RNF180: variants seen among roughly 807,000 people sequenced by gnomAD.
RNF180 encodes the protein ring finger protein 180, also known as E3 ubiquitin-protein ligase RNF180.
Under a neutral mutation model 59.2 loss-of-function variants are expected in RNF180, and 38 were observed. The observed-to-expected ratio is 0.64, with a 90% CI of 0.50 to 0.84. The LOEUF is 0.84. Ranked by LOEUF, RNF180 falls within the 40% of genes least tolerant of loss-of-function variation. RNF180 has a pLI of 0.00. For missense variants in RNF180, 705 were observed against 700.9 expected, an observed-to-expected ratio of 1.01 and a Z score of -0.07; for synonymous variants, 262 against 240.3, an observed-to-expected ratio of 1.09 and a Z score of -0.84.
intron 5 of RNF180, among the ~76,000 whole-genome samples, chr5:64,251,886 G>T (rs1037486814): frequency 6.6e-6 from 1 of 152,048 alleles, no homozygotes; most frequent in African/African-American, 2.4e-5. Context: ...GAACCAAGGA[G>T]GTGAAAGATC....
chr5:64,280,243 A>C (rs1396279966), intron 5 of RNF180, among the ~76,000 whole-genome samples: 1 of 151,776 alleles, frequency 6.6e-6, no homozygotes, highest in African/African-American at 2.4e-5. Context: ...GTTTGCAAAT[A>C]TTTTCTTCCA....
intron 5 of RNF180, among the ~76,000 whole-genome samples, chr5:64,232,207 T>A (rs546724594): frequency 6.6e-6 from 1 of 152,294 alleles, no homozygotes; most frequent in Non-Finnish European, 1.5e-5. Flanking sequence ...GGAACATATT[T>A]AGGGAAGAGA....
At chr5:64,305,736 TG>T (rs1227858105) in intron 5 of RNF180, among the ~76,000 whole-genome samples, 1 of 151,530 alleles carries the variant, frequency 6.6e-6, no homozygotes, top group Non-Finnish European at 1.5e-5. Context: ...TAAATCTCAG[TG>T]GCTTATAAGC....
intron 1 of RNF180, among the ~76,000 whole-genome samples, chr5:64,173,836 C>T (rs1157297837): frequency 6.6e-6 from 1 of 151,982 alleles, no homozygotes; most frequent in Non-Finnish European, 1.5e-5. Flanking sequence ...CTGCCTCAGC[C>T]TCCTGAGTAG....
chr5:64,233,494 G>A (rs1279141772), intron 5 of RNF180, among the ~76,000 whole-genome samples: 1 of 152,094 alleles, frequency 6.6e-6, no homozygotes, highest in Non-Finnish European at 1.5e-5. Context: ...TGACAAAAAG[G>A]GATGGCTTTT....
chr5:64,309,830 C>T lies in RNF180; in HGVS notation c.1228-15356C>T, dbSNP rs1743672288. Among the ~76,000 whole-genome samples the T allele has an allele frequency of 2.0e-5, 3 of 151,716 alleles. No individual in the cohort carries two copies. In the South Asian group the frequency reaches 6.2e-4, roughly 31 times the overall value. On this transcript the variant is annotated intron_variant, in intron 5 of 7. Transcript: ENST00000389100. ...AAAAAATCATTCAGTTTATTCTTTA[C>T]CAACTCTTAGCAGTGTCAGGTTGAC... is the stretch of plus-strand genomic sequence containing the variant.
chr5:64,321,027 G>A (rs1003396546), intron 5 of RNF180, among the ~76,000 whole-genome samples: 35 of 148,766 alleles, frequency 2.4e-4, no homozygotes, highest in African/African-American at 8.5e-4. Context: ...AACAGAGCGA[G>A]ACTCCGTCTC....
At chr5:64,296,898 T>A (rs1045074430) in intron 5 of RNF180, among the ~76,000 whole-genome samples, 16 of 152,126 alleles carry the variant, frequency 1.1e-4, no homozygotes, top group African/African-American at 3.9e-4. Flanking sequence ...GCCTTTCCAC[T>A]CTTTGTGGAA....
intron 4 of RNF180, 70 bp from the exon 5 acceptor site, chr5:64,217,291 A>G (rs1178307175): frequency 2.3e-6 from 3 of 1,317,158 alleles, no homozygotes; most frequent in African/African-American, 3.0e-5. Context: ...GGTTTTGCAA[A>G]TTATGAATAG....
chr5:64,344,319 TAA>T (rs1216068364), intron 7 of RNF180, among the ~76,000 whole-genome samples: 2 of 152,028 alleles, frequency 1.3e-5, no homozygotes, highest in Admixed American at 1.3e-4. Context: ...AATTAGACTT[TAA>T]GTGAACAGGA....
intron 5 of RNF180, among the ~76,000 whole-genome samples, chr5:64,301,180 A>G (rs1743142582): frequency 1.3e-5 from 2 of 151,790 alleles, no homozygotes; most frequent in African/African-American, 2.4e-5. Flanking sequence ...AGCCCTTCCT[A>G]CTGAACAACA....
chr5:64,253,485 G>C (rs1350912306), intron 5 of RNF180, among the ~76,000 whole-genome samples: 1 of 151,934 alleles, frequency 6.6e-6, no homozygotes, highest in Non-Finnish European at 1.5e-5. Flanking sequence ...TCCCGTTTTG[G>C]AGAAATAAAA....
chr5:64,210,084 C>T (rs999594826), intron 2 of RNF180, among the ~76,000 whole-genome samples: 1 of 152,032 alleles, frequency 6.6e-6, no homozygotes, highest in African/African-American at 2.4e-5. Context: ...CAGAAGCACA[C>T]AAAATCAAAC....
Position 64,173,717 on chromosome 5 carries a change from C to CTTTTTTTTTTTT in RNF180, c.-1+7769_-1+7780dup, listed in dbSNP as rs113698456. On this transcript the variant is annotated intron_variant, in intron 1 of 7. Transcript: ENST00000389100. ...TTCCTCCCTACTTCTATAGCATCAA[C>CTTTTTTTTTTTT]TTTTTTTTTTTTTTTTGAGATGGAG... 3.6e-5 allele frequency among the ~76,000 whole-genome samples: 5 copies of CTTTTTTTTTTTT among 140,066 alleles called. 1 individual carries two copies. The highest frequency in any genetic ancestry group is 7.9e-5 in the African/African-American group (3 of 37,970). The allele number at this position is 140,066 out of a possible 152,430, so 91.9% of individuals were successfully genotyped here.
chr5:64,219,746 C>T lies in RNF180; in HGVS notation c.1227+2350C>T, dbSNP rs575736889. Among the ~76,000 whole-genome samples, 3 of 151,990 alleles carry T rather than the reference C, an allele frequency of 2.0e-5. No homozygotes were observed. The East Asian group carries it at 5.8e-4, about 30-fold the overall frequency. On this transcript the variant is annotated intron_variant, in intron 5 of 7. Transcript: ENST00000389100. Reference sequence around the variant, plus strand: ...ATGTTGGCCAGAATGGTCTCTATCTCCTGACCTCATGATCCGCCTGCCTCA... The same window carrying T: ...ATGTTGGCCAGAATGGTCTCTATCTTCTGACCTCATGATCCGCCTGCCTCA...
intron 5 of RNF180, among the ~76,000 whole-genome samples, chr5:64,231,125 T>G (rs910076991): frequency 6.6e-6 from 1 of 152,176 alleles, no homozygotes; most frequent in Non-Finnish European, 1.5e-5. Context: ...GTAAAAGGTA[T>G]GGCACTAAAG....
At chr5:64,173,792 T>G (rs971264982) in intron 1 of RNF180, among the ~76,000 whole-genome samples, 11 of 151,702 alleles carry the variant, frequency 7.3e-5, no homozygotes, top group Non-Finnish European at 1.5e-4. Context: ...CTCGGCTCAC[T>G]GCAACCTCTG....
chr5:64,199,273 G>C (rs980025416), intron 1 of RNF180, among the ~76,000 whole-genome samples: 1 of 152,190 alleles, frequency 6.6e-6, no homozygotes, highest in African/African-American at 2.4e-5. Flanking sequence ...CTCTGAGCCA[G>C]AGTTCTTTAA....
At chr5:64,331,373 C>T (rs1744899739) in intron 7 of RNF180, among the ~76,000 whole-genome samples, 1 of 152,196 alleles carries the variant, frequency 6.6e-6, no homozygotes, top group Admixed American at 6.5e-5. Context: ...AGAGTGAGAA[C>T]TTACAGTGCT....
Sources: gnomAD v4.1 joint callset for allele counts (sites outside exome capture counted in the v4.1 genomes callset) on GRCh38, gnomAD v4.1.1 for gene constraint, MANE v1.5 for transcripts, NCBI Gene and HGNC (gene_info 2026-07-23, HGNC 2026-07-21) for gene names.